Variants in SCAI observed in about 807,000 individuals in gnomAD.
SCAI encodes suppressor of cancer cell invasion.
In SCAI, 24 loss-of-function variants were observed where a neutral mutation model predicts 92.2. The ratio of observed to expected loss-of-function variants is 0.26; its 90% confidence interval spans 0.19 to 0.37. The LOEUF (loss-of-function observed/expected upper bound fraction) is 0.37. Ranked by LOEUF, SCAI falls within the 10% of genes least tolerant of loss-of-function variation. SCAI has a pLI of 1.00. For synonymous variants in SCAI, 261 were observed against 258.6 expected, an observed-to-expected ratio of 1.01 and a Z score of -0.09; for missense variants, 450 against 736.2, an observed-to-expected ratio of 0.61 and a Z score of 4.50.
Position 124,945,992 on chromosome 9 carries a change from T to A in SCAI, c.*6815A>T, listed in dbSNP as rs1831139515. ...CTGGGTTTTCTAAGCAAGTGTTACC[T>A]TATTCACCCTCAAAGTTATTGGCTT... On this transcript the variant is annotated 3_prime_UTR_variant, in exon 18 of 18. Transcript: ENST00000336505. 6.6e-6 allele frequency: 1 copy of A among 152,200 alleles called. No homozygotes were observed. The highest frequency in any genetic ancestry group is 2.4e-5 in the African/African-American group (1 of 41,444). The allele number at this position is 152,200 out of a possible 1,614,324, so 9.4% of individuals were successfully genotyped here.
Position 124,944,466 on chromosome 9 carries a change from A to ATTTTTTTTTTTTTTTTTTTT in SCAI, c.*8321_*8340dup, listed in dbSNP as rs71374207. The ATTTTTTTTTTTTTTTTTTTT allele has an allele frequency of 2.4e-5, 2 of 84,726 alleles. No individual in the cohort carries two copies. Among genetic ancestry groups the ATTTTTTTTTTTTTTTTTTTT allele is most frequent in the Non-Finnish European group, 4.2e-5 (2 of 47,520 alleles). The allele number at this position is 84,726 out of a possible 1,614,324, so 5.2% of individuals were successfully genotyped here. On this transcript the variant is annotated 3_prime_UTR_variant, in exon 18 of 18. Transcript: ENST00000336505. ...AGGCGCACACCACCATGCCTGGCTA[A>ATTTTTTTTTTTTTTTTTTTT]TTTTTTTTTTTTTTTTTTTTTTTTT... is the stretch of plus-strand genomic sequence containing the variant.
intron 4 of SCAI, among the ~76,000 whole-genome samples, chr9:125,029,402 A>G (rs1310028825): frequency 6.6e-6 from 1 of 152,144 alleles, no homozygotes; most frequent in African/African-American, 2.4e-5. Context: ...GATTACAGGC[A>G]TGAGCCACCA....
chr9:125,110,949 G>T (rs1027122052), intron 2 of SCAI, among the ~76,000 whole-genome samples: 37 of 152,058 alleles, frequency 2.4e-4, no homozygotes, highest in Admixed American at 1.0e-3. Context: ...CAATTAAACC[G>T]CTTCTCTTTA....
In SCAI at chr9:124,965,959, C is replaced by T. The variant is rs150092069; in HGVS notation, c.1674+5411G>A. Among the ~76,000 whole-genome samples the T allele has an allele frequency of 7.2e-5, 11 of 152,284 alleles. No individual in the cohort carries two copies. The South Asian group carries it at 8.3e-4, about 11-fold the overall frequency. On this transcript the variant is annotated intron_variant, in intron 17 of 17. Transcript: ENST00000336505. ...ATTTACTGGAGAGACAAACTGCTCA[C>T]GGAAATGACAGGCATTCTAAGCAGT...
At chr9:125,032,348 C>T (rs1230827367) in intron 3 of SCAI, among the ~76,000 whole-genome samples, 3 of 150,662 alleles carry the variant, frequency 2.0e-5, no homozygotes, top group African/African-American at 4.9e-5. Context: ...CACGATACCA[C>T]GCCTGGCTAA....
intron 17 of SCAI, among the ~76,000 whole-genome samples, chr9:124,960,043 A>G (rs2131577097): frequency 6.6e-6 from 1 of 152,286 alleles, no homozygotes; most frequent in Non-Finnish European, 1.5e-5. Context: ...TCCTTTGGGT[A>G]TATACCCAGT....
intron 3 of SCAI, among the ~76,000 whole-genome samples, chr9:125,032,967 A>G (rs1005905615): frequency 1.3e-5 from 2 of 152,200 alleles, no homozygotes; most frequent in Admixed American, 6.5e-5. Flanking sequence ...CATATAAAGT[A>G]ATGTGAAAAC....
At chr9:125,056,081 G>A (rs565300133) in intron 2 of SCAI, 74 bp from the exon 3 acceptor site, 1 of 1,093,770 alleles carries the variant, frequency 9.1e-7, no homozygotes, top group Non-Finnish European at 1.3e-6. Context: ...TATATCATCT[G>A]ATAGTATTTT....
Position 124,961,524 on chromosome 9 carries a change from C to T in SCAI, c.1675-8571G>A, listed in dbSNP as rs534047780. Among the ~76,000 whole-genome samples the T allele has an allele frequency of 2.9e-3, 445 of 151,932 alleles. 1 individual carries two copies. The highest frequency in any genetic ancestry group is 5.3e-3 in the Non-Finnish European group (359 of 67,962). On this transcript the variant is annotated intron_variant, in intron 17 of 17. Transcript: ENST00000336505. The stretch of plus-strand genomic sequence containing the variant: ...AATTAGCTGGGCGTGGTGGCACACA[C>T]CTGTAATCCCAGCTACTCGGGAGGC...
rs1036854790 is a variant in SCAI at position 124,943,696 on chromosome 9, A to C, written c.*9111T>G. On this transcript the variant is annotated 3_prime_UTR_variant, in exon 18 of 18. Coordinates refer to ENST00000336505, the MANE Select transcript of SCAI (RefSeq NM_001144877.3). ...TCTGCCTAATAATCAGAATGTAGAC[A>C]ATAAGTTCAGCATTATTTTCAAGGG... is the stretch of plus-strand genomic sequence containing the variant. 8.5e-5 allele frequency: 13 copies of C among 152,342 alleles called. No individual in the cohort carries two copies. Among genetic ancestry groups the C allele is most frequent in the African/African-American group, 3.1e-4 (13 of 41,586 alleles). The allele number at this position is 152,342 out of a possible 1,614,324, so 9.4% of individuals were successfully genotyped here.
chr9:125,126,256 G>C (rs900146406), intron 2 of SCAI, among the ~76,000 whole-genome samples: 1 of 152,142 alleles, frequency 6.6e-6, no homozygotes, highest in African/African-American at 2.4e-5. Context: ...TGTGGTTGCT[G>C]GCAGGCCTCA....
At chr9:125,138,707 C>T (rs985684683) in intron 2 of SCAI, among the ~76,000 whole-genome samples, 27 of 152,144 alleles carry the variant, frequency 1.8e-4, no homozygotes, top group Admixed American at 1.2e-3. Context: ...AGCCATCGTG[C>T]CCGGCCCAAT....
intron 2 of SCAI, among the ~76,000 whole-genome samples, chr9:125,134,604 C>T (rs916248087): frequency 5.9e-5 from 9 of 152,218 alleles, no homozygotes; most frequent in African/African-American, 1.9e-4. Flanking sequence ...CAACTCATAA[C>T]CCAAACATCA....
intron 2 of SCAI, among the ~76,000 whole-genome samples, chr9:125,064,783 T>C (rs1353654665): frequency 6.6e-6 from 1 of 152,028 alleles, no homozygotes; most frequent in Non-Finnish European, 1.5e-5. Context: ...GAGGCGGAGG[T>C]TGCAGTGAGC....
chr9:124,980,814 G>C (rs1436833520), intron 14 of SCAI, among the ~76,000 whole-genome samples: 1 of 152,172 alleles, frequency 6.6e-6, no homozygotes, highest in African/African-American at 2.4e-5. Flanking sequence ...TTAGCAGTGA[G>C]TACGACTATA....
intron 17 of SCAI, among the ~76,000 whole-genome samples, chr9:124,958,078 C>G (rs1831358061): frequency 6.6e-6 from 1 of 152,082 alleles, no homozygotes; most frequent in African/African-American, 2.4e-5. Flanking sequence ...CTATAAAATC[C>G]TGGTGAAAGA....
At chr9:125,042,168 T>C (rs1236640771) in intron 3 of SCAI, among the ~76,000 whole-genome samples, 2 of 152,234 alleles carry the variant, frequency 1.3e-5, no homozygotes, top group African/African-American at 4.8e-5. Context: ...AGCTATGTTA[T>C]GAATTAGCTA....
intron 9 of SCAI, among the ~76,000 whole-genome samples, chr9:125,005,454 C>A (rs773195191): frequency 5.9e-5 from 9 of 152,196 alleles, no homozygotes; most frequent in Non-Finnish European, 4.4e-5. Context: ...GCCTCAGCAT[C>A]CTGAGTAGCT....
intron 15 of SCAI, chr9:124,974,157 C>T: frequency 2.4e-6 from 1 of 424,242 alleles, no homozygotes. Flanking sequence ...GTGCTATCTC[C>T]AGTGCCCAGC....
Sources: gnomAD v4.1 joint callset for allele counts (sites outside exome capture counted in the v4.1 genomes callset) on GRCh38, gnomAD v4.1.1 for gene constraint, MANE v1.5 for transcripts, NCBI Gene and HGNC (gene_info 2026-07-23, HGNC 2026-07-21) for gene names.